The following PRKN variants were observed in gnomAD, a reference collection of about 807,000 sequenced individuals.
PRKN encodes the protein E3 ubiquitin-protein ligase parkin.
A neutral mutation model predicts 59.5 loss-of-function variants in PRKN; 56 were observed. The ratio of observed to expected loss-of-function variants is 0.94; its 90% CI spans 0.76 to 1.18. The LOEUF is 1.18. PRKN is among the 50% of genes most tolerant of loss of function. The probability of loss-of-function intolerance (pLI) is 0.00; values close to 1 mark genes in which losing one functional copy is unlikely to be tolerated. For synonymous variants in PRKN, 250 were observed against 222.1 expected (o/e 1.13, Z -1.12); for missense variants, 657 against 596.4 (o/e 1.10, Z -1.06).
chr6:161,598,638 T>C (rs1054795720), intron 7 of PRKN, among the ~76,000 whole-genome samples: 1 of 152,254 alleles, frequency 6.6e-6, no homozygotes, highest in African/African-American at 2.4e-5. Flanking sequence ...TTAGCTAGTT[T>C]ATCATAAGCA....
Position 161,447,271 on chromosome 6 carries a change from T to C in PRKN, c.1084-60394A>G, listed in dbSNP as rs1439245840. The stretch of plus-strand genomic sequence containing the variant: ...CTAAATTCTTCGGTTCTCTCTGACA[T>C]GCTCAATCTAGGGTTTCCCGCGGCT... On this transcript the variant is annotated intron_variant, in intron 9 of 11. Transcript: ENST00000366898. The surrounding 1 kb of genome is among the most constrained non-coding windows in gnomAD (Gnocchi z 4.1). Among the ~76,000 whole-genome samples, 1 of 152,174 alleles carries C rather than the reference T, an allele frequency of 6.6e-6. No individual in the cohort carries two copies. The highest frequency in any genetic ancestry group is 1.5e-5 in the Non-Finnish European group (1 of 68,034).
rs903205436 is a variant in PRKN at position 161,576,208 on chromosome 6, C to T, written c.872-6792G>A. On this transcript the variant is annotated intron_variant, in intron 7 of 11. Transcript: ENST00000366898. This position sits in a 1 kb window ranked among gnomAD's most constrained non-coding sequence, Gnocchi z 4.6. ...TACAGAATCAAGTTTAAAGCATTAT[C>T]GTTTTCATAAATAAAGCCAAGCTTA... Among the ~76,000 whole-genome samples the T allele has an allele frequency of 9.2e-5, 14 of 152,202 alleles. No individual in the cohort carries two copies. The highest frequency in any genetic ancestry group is 7.4e-5 in the Non-Finnish European group (5 of 68,026).
At position 161,547,226 on chromosome 6, in the gene PRKN, G is replaced by A. The variant is rs1033785213; in HGVS notation, c.1083+1628C>T. Among the ~76,000 whole-genome samples, 33 of 152,060 alleles carry A rather than the reference G, an allele frequency of 2.2e-4. No homozygotes were observed. The highest frequency in any genetic ancestry group is 5.8e-4 in the African/African-American group (24 of 41,384). ...ACAAATTAAGATAAATTAAGAATAC[G>A]CTACCTACAATTGCCAAAGGACAAA... On this transcript the variant is annotated intron_variant, in intron 9 of 11. Coordinates refer to ENST00000366898, the MANE Select transcript of PRKN (RefSeq NM_004562.3). The surrounding 1 kb of genome is among the most constrained non-coding windows in gnomAD (Gnocchi z 4.0).
chr6:162,043,538 T>G, intron 5 of PRKN, among the ~76,000 whole-genome samples: 1 of 152,182 alleles, frequency 6.6e-6, no homozygotes, highest in East Asian at 1.9e-4. Context: ...CCAATGGCCA[T>G]GGACATAGAA....
intron 6 of PRKN, among the ~76,000 whole-genome samples, chr6:161,920,912 C>A (rs1778761851): frequency 6.6e-6 from 1 of 152,120 alleles, no homozygotes; most frequent in African/African-American, 2.4e-5. Flanking sequence ...TTATTGTATA[C>A]CACTGTAGAC....
intron 1 of PRKN, among the ~76,000 whole-genome samples, chr6:162,696,779 C>T (rs142618067): frequency 6.6e-6 from 1 of 151,584 alleles, no homozygotes; most frequent in African/African-American, 2.4e-5. Context: ...CTCTTGGGCT[C>T]GAGGGATCCA....
At chr6:162,708,310 T>C (rs1342088133) in intron 1 of PRKN, among the ~76,000 whole-genome samples, 1 of 152,218 alleles carries the variant, frequency 6.6e-6, no homozygotes, top group African/African-American at 2.4e-5. Flanking sequence ...AGATTTTATG[T>C]CCCAATTAAG....
At chr6:161,681,244 A>AAGC (rs1238915080) in intron 7 of PRKN, among the ~76,000 whole-genome samples, 1 of 152,148 alleles carries the variant, frequency 6.6e-6, no homozygotes, top group Non-Finnish European at 1.5e-5. Context: ...TTACAGGCCT[A>AAGC]AGCGACTGCA....
intron 1 of PRKN, among the ~76,000 whole-genome samples, chr6:162,518,511 C>T (rs2128192802): frequency 6.6e-6 from 1 of 152,098 alleles, no homozygotes. Flanking sequence ...GTATTACGGG[C>T]GGGTGCCACC....
intron 3 of PRKN, among the ~76,000 whole-genome samples, chr6:162,246,643 T>G (rs2128093815): frequency 6.6e-6 from 1 of 152,176 alleles, no homozygotes; most frequent in South Asian, 2.1e-4. Context: ...AAGGAAAAAC[T>G]TTTCTCTCAT....
intron 1 of PRKN, chr6:162,568,718 G>A (rs1412668450): frequency 2.6e-6 from 2 of 770,552 alleles, no homozygotes; most frequent in African/African-American, 3.4e-5. Flanking sequence ...GGAGCAACAT[G>A]GGCAACATGT....
intron 6 of PRKN, among the ~76,000 whole-genome samples, chr6:161,868,826 T>C (rs920981588): frequency 3.3e-5 from 5 of 152,176 alleles, no homozygotes; most frequent in African/African-American, 9.6e-5. Flanking sequence ...TACCTCTTGC[T>C]GTCATCAAAA....
At chr6:161,943,918 C>T (rs915267813) in intron 6 of PRKN, among the ~76,000 whole-genome samples, 9 of 148,402 alleles carry the variant, frequency 6.1e-5, no homozygotes, top group Non-Finnish European at 1.5e-5. Context: ...AGGGATCAGC[C>T]TTGAGGAAGC....
chr6:162,444,707 C>T (rs1316249074), intron 1 of PRKN, among the ~76,000 whole-genome samples: 1 of 152,080 alleles, frequency 6.6e-6, no homozygotes, highest in Non-Finnish European at 1.5e-5. Context: ...TTAATATTCA[C>T]CACATTCCTC....
intron 1 of PRKN, among the ~76,000 whole-genome samples, chr6:162,690,282 G>A (rs937944531): frequency 2.0e-5 from 3 of 152,250 alleles, no homozygotes; most frequent in East Asian, 3.9e-4. Flanking sequence ...TTCTCACACC[G>A]ATTCTATGGA....
intron 3 of PRKN, among the ~76,000 whole-genome samples, chr6:162,228,784 C>A (rs1778297073): frequency 6.6e-6 from 1 of 152,078 alleles, no homozygotes; most frequent in South Asian, 2.1e-4. Context: ...AACATTATTT[C>A]CAGGTGTCTT....
intron 2 of PRKN, among the ~76,000 whole-genome samples, chr6:162,442,823 C>T (rs1005176541): frequency 1.3e-5 from 2 of 152,170 alleles, no homozygotes. Context: ...AGCTAGTTGC[C>T]AATGGGCCCC....
At chr6:161,589,996 C>T (rs1359900423) in intron 7 of PRKN, among the ~76,000 whole-genome samples, 1 of 151,078 alleles carries the variant, frequency 6.6e-6, no homozygotes, top group East Asian at 2.0e-4. Flanking sequence ...ACCATGTTGG[C>T]CAGGCTCGTT....
At chr6:162,432,499 C>A (rs1475756945) in intron 2 of PRKN, among the ~76,000 whole-genome samples, 3 of 152,048 alleles carry the variant, frequency 2.0e-5, no homozygotes, top group Non-Finnish European at 4.4e-5. Flanking sequence ...GCACCCCAAC[C>A]TGGCAACAAA....
Sources: allele counts gnomAD v4.1 joint callset (sites outside exome capture counted in the v4.1 genomes callset), GRCh38; gene constraint gnomAD v4.1.1; non-coding constraint Gnocchi (gnomAD v3.1); transcripts MANE v1.5; gene names NCBI Gene and HGNC (gene_info 2026-07-23, HGNC 2026-07-21).